Variants in ITGA11 observed in about 807,000 individuals in gnomAD.
The protein encoded by ITGA11 is integrin subunit alpha 11, also known as integrin alpha-11.
In ITGA11, 97 loss-of-function variants were observed where a neutral mutation model predicts 141.9. The ratio of observed to expected loss-of-function variants is 0.68; its 90% CI spans 0.58 to 0.81. ITGA11 has a LOEUF of 0.81. Ranked by LOEUF, ITGA11 falls within the 30% of genes least tolerant of loss-of-function variation. The pLI, the probability that ITGA11 is intolerant of heterozygous loss-of-function variation, is 0.00. For synonymous variants in ITGA11, 658 were observed against 624.6 expected (o/e 1.05, Z -0.80); for missense variants, 1,387 against 1,559.2 (o/e 0.89, Z 1.86).
intron 1 of ITGA11, among the ~76,000 whole-genome samples, chr15:68,414,299 AG>A (rs1230467170): frequency 6.6e-6 from 1 of 152,174 alleles, no homozygotes; most frequent in East Asian, 1.9e-4. Flanking sequence ...GAGGTCTTCT[AG>A]GAATGGTCCC....
At chr15:68,350,890 C>T (rs536909434) in intron 8 of ITGA11, 108 bp from the exon 9 acceptor site, 20 of 1,139,638 alleles carry the variant, frequency 1.8e-5, no homozygotes, top group Non-Finnish European at 2.4e-5. Flanking sequence ...GAGCCAGGGC[C>T]GGTAGCCATG....
chr15:68,428,800 C>T (rs1031456158), intron 1 of ITGA11, among the ~76,000 whole-genome samples: 15 of 152,156 alleles, frequency 9.9e-5, no homozygotes, highest in Non-Finnish European at 1.8e-4. Context: ...TCTCCTTTTC[C>T]ACACCACAAT....
In ITGA11 at chr15:68,311,343, C is replaced by T. The variant is rs377220132; in HGVS notation, c.3034G>A (p.Ala1012Thr). Reference sequence around the variant, plus strand: ...AGTAGGCGGTTGCCGCTCCTGGTGGCGATGGGAATGGTGATCTTCATCATC... The same window carrying T: ...AGTAGGCGGTTGCCGCTCCTGGTGGTGATGGGAATGGTGATCTTCATCATC... Reference protein sequence around the residue: ...GMMMKITIPIATRSGNRLLKL... With the variant: ...GMMMKITIPITTRSGNRLLKL... Residue 1012 changes from alanine to threonine, a missense_variant, in exon 25 of 30, where the codon GCC (alanine) becomes ACC (threonine). Transcript: ENST00000315757. The T allele has an allele frequency of 1.6e-5, 25 of 1,579,090 alleles. No individual in the cohort carries two copies. The African/African-American group carries it at 1.9e-4, about 12-fold the overall frequency.
At chr15:68,413,793 C>G (rs918770284) in intron 1 of ITGA11, among the ~76,000 whole-genome samples, 15 of 152,210 alleles carry the variant, frequency 9.9e-5, no homozygotes, top group African/African-American at 3.4e-4. Flanking sequence ...AATTGGAAAC[C>G]AGGCAGTGTG....
rs868372490 is a variant in ITGA11 at position 68,325,070 on chromosome 15, G to C, written c.2322+61C>G. 353 of 1,211,808 alleles carry C rather than the reference G, an allele frequency of 2.9e-4. 2 individuals are homozygous for C. In the Middle Eastern group the frequency reaches 4.2e-3, roughly 14 times the overall value. 75.1% of individuals were successfully genotyped at this position (1,211,808 alleles called of 1,614,324 possible). ...GCACACTCAGGCTCTGGGCTTTGGG[G>C]TTGAGGTGGAGGTGGGGGTGGGGTT... On this transcript the variant is annotated intron_variant, in intron 18 of 29. Coordinates refer to ENST00000315757, the MANE Select transcript of ITGA11 (RefSeq NM_001004439.2). This position sits in a 1 kb window ranked among gnomAD's most constrained non-coding sequence, Gnocchi z 5.5.
At chr15:68,401,201 T>A (rs1896500834) in intron 2 of ITGA11, among the ~76,000 whole-genome samples, 2 of 151,824 alleles carry the variant, frequency 1.3e-5, no homozygotes, top group South Asian at 4.1e-4. Context: ...AAATGACTGA[T>A]AATGTCATGA....
chr15:68,388,522 C>G (rs1896039840), intron 2 of ITGA11, among the ~76,000 whole-genome samples: 1 of 152,146 alleles, frequency 6.6e-6, no homozygotes, highest in African/African-American at 2.4e-5. Context: ...ACAAACTAAT[C>G]ATACTTTTTG....
Position 68,321,379 on chromosome 15 carries a change from G to A in ITGA11, c.2408+39C>T, listed in dbSNP as rs772922515. 1.5e-6 allele frequency: 2 copies of A among 1,363,512 alleles called. No individual in the cohort carries two copies. Among genetic ancestry groups the A allele is most frequent in the South Asian group, 2.8e-5 (2 of 72,226 alleles). The allele number at this position is 1,363,512 out of a possible 1,614,324, so 84.5% of individuals were successfully genotyped here. A position where few individuals can be genotyped will look rare whatever the true frequency, so the allele number is the denominator to read the frequency against. ...AGCCCCAGAGCCTCTGGCAGTGAAGGGGAAGGGGCGAGGGTGGGGGTGGAA... is the reference window on the plus strand; with the variant it reads ...AGCCCCAGAGCCTCTGGCAGTGAAGAGGAAGGGGCGAGGGTGGGGGTGGAA... On this transcript the variant is annotated intron_variant, in intron 19 of 29. Transcript: ENST00000315757. The surrounding 1 kb of genome is among the most constrained non-coding windows in gnomAD (Gnocchi z 4.9).
intron 2 of ITGA11, among the ~76,000 whole-genome samples, chr15:68,387,464 T>G (rs1896014557): frequency 6.6e-6 from 1 of 152,170 alleles, no homozygotes. Context: ...TCAGACCTAC[T>G]GAATCAGAAA....
chr15:68,315,517 C>T, intron 22 of ITGA11, 134 bp downstream of exon 22: 1 of 771,546 alleles, frequency 1.3e-6, no homozygotes, highest in Non-Finnish European at 2.2e-6. Context: ...CCACTGCCTC[C>T]ACTCAAGGTT....
At chr15:68,416,809 G>A (rs1054837114) in intron 1 of ITGA11, among the ~76,000 whole-genome samples, 3 of 152,038 alleles carry the variant, frequency 2.0e-5, no homozygotes, top group Non-Finnish European at 2.9e-5. Flanking sequence ...CCACCTACTC[G>A]GGAGGCTGAG....
At chr15:68,309,685 C>T (rs1358046042) in intron 26 of ITGA11, among the ~76,000 whole-genome samples, 1 of 149,556 alleles carries the variant, frequency 6.7e-6, no homozygotes, top group Non-Finnish European at 1.5e-5. Context: ...ACGTCTGCCT[C>T]CCAGGTTCAA....
In ITGA11 at chr15:68,397,540, ATAT is replaced by A. The variant is rs1339581836; in HGVS notation, c.164+5375_164+5377del. Among the ~76,000 whole-genome samples the A allele has an allele frequency of 5.3e-4, 24 of 45,364 alleles. 1 individual carries two copies. Among genetic ancestry groups the A allele is most frequent in the African/African-American group, 1.9e-3 (15 of 7,844 alleles). 29.8% of individuals were successfully genotyped at this position (45,364 alleles called of 152,430 possible). ...TTTAAAATATTATAAAATATTTAAA[ATAT>A]TATATTTAAAATATTATAAAATATT... On this transcript the variant is annotated intron_variant, in intron 2 of 29. Transcript: ENST00000315757.
chr15:68,316,355 C>A (rs1008044806), intron 21 of ITGA11, among the ~76,000 whole-genome samples: 34 of 152,370 alleles, frequency 2.2e-4, no homozygotes, highest in African/African-American at 7.7e-4. Flanking sequence ...CTCCTCCCTG[C>A]CCCACCTGGG....
intron 26 of ITGA11, 36 bp downstream of exon 26, chr15:68,310,958 C>A (rs896175831): frequency 1.9e-6 from 3 of 1,539,014 alleles, no homozygotes; most frequent in Non-Finnish European, 2.7e-6. Flanking sequence ...GCCTCTAACC[C>A]CAACCACTGT....
Position 68,328,163 on chromosome 15 carries a change from G to T in ITGA11, c.2001C>A (p.Thr667=), listed in dbSNP as rs778155564. The T allele has an allele frequency of 1.3e-5, 21 of 1,613,946 alleles. 1 individual carries two copies. The South Asian group carries it at 2.3e-4, about 18-fold the overall frequency. ...RDCKRSGRDA[T]CLAAFLCFTP... ...TGAAGCAGAGGAAGGCGGCCAGGCA[G>T]GTGGCATCCCTGCCACTGCGCTTGC... Residue 667 remains threonine (T), a synonymous_variant, in exon 16 of 30, where the codon ACC becomes ACA. Transcript: ENST00000315757. This position sits in a 1 kb window ranked among gnomAD's most constrained non-coding sequence, Gnocchi z 4.8.
intron 1 of ITGA11, among the ~76,000 whole-genome samples, chr15:68,431,503 GCAGCCCTCACCCCCACCCTT>G (rs1317941654): frequency 2.6e-5 from 4 of 152,182 alleles, no homozygotes; most frequent in Non-Finnish European, 5.9e-5. Context: ...GGCACTCTGC[GCAGCCCTCACCCCCACCCTT>G]CAGCCCTCCG....
intron 2 of ITGA11, among the ~76,000 whole-genome samples, chr15:68,398,473 C>A (rs1896377557): frequency 6.6e-6 from 1 of 150,700 alleles, no homozygotes; most frequent in Non-Finnish European, 1.5e-5. Context: ...ATATATGCAC[C>A]CAATACAGGA....
chr15:68,370,664 A>G (rs142189352), intron 2 of ITGA11, among the ~76,000 whole-genome samples: 2 of 152,330 alleles, frequency 1.3e-5, no homozygotes, highest in African/African-American at 4.8e-5. Context: ...GGGAGGGGAC[A>G]CCACAGCCCA....
Sources: allele counts gnomAD v4.1 joint callset (sites outside exome capture counted in the v4.1 genomes callset), GRCh38; gene constraint gnomAD v4.1.1; non-coding constraint Gnocchi (gnomAD v3.1); transcripts MANE v1.5; gene names NCBI Gene and HGNC (gene_info 2026-07-23, HGNC 2026-07-21).